The following NRXN3 variants were observed in gnomAD, a reference collection of about 807,000 sequenced individuals.
NRXN3 encodes neurexin 3.
Under a neutral mutation model 137.6 loss-of-function variants are expected in NRXN3, and 32 were observed. The observed-to-expected ratio is 0.23, with a 90% CI of 0.18 to 0.31. The LOEUF is 0.31. Ranked by LOEUF, NRXN3 falls within the 10% of genes least tolerant of loss-of-function variation. The pLI is 1.00. For synonymous variants in NRXN3, 798 were observed against 784.5 expected (o/e 1.02, Z -0.29); for missense variants, 1,574 against 2,062.5 (o/e 0.76, Z 4.59).
At chr14:78,477,275 C>G (rs1272894153) in intron 4 of NRXN3, among the ~76,000 whole-genome samples, 1 of 152,164 alleles carries the variant, frequency 6.6e-6, no homozygotes, top group East Asian at 1.9e-4. Flanking sequence ...CATTCATTCT[C>G]TACATTTCAT....
intron 16 of NRXN3, among the ~76,000 whole-genome samples, chr14:79,470,414 C>T (rs2096484882): frequency 6.6e-6 from 1 of 152,220 alleles, no homozygotes; most frequent in Admixed American, 6.5e-5. Context: ...ACTGCATCCT[C>T]AGGAGGGGAG....
At chr14:78,973,954 A>C (rs28539806) in intron 14 of NRXN3, among the ~76,000 whole-genome samples, 5,627 of 152,310 alleles carry the variant, frequency 0.037, 351 homozygotes, top group African/African-American at 0.13. Context: ...ACAAGCGCCT[A>C]TCTATCCAGA....
At chr14:79,051,138 G>A (rs2099641280) in intron 15 of NRXN3, among the ~76,000 whole-genome samples, 1 of 152,094 alleles carries the variant, frequency 6.6e-6, no homozygotes, top group African/African-American at 2.4e-5. Context: ...GAATGTTGAA[G>A]GTTGGTTCTA....
At position 79,719,164 on chromosome 14, in the gene NRXN3, T is replaced by C. The variant is rs2098833713; in HGVS notation, c.4014+21227T>C. Among the ~76,000 whole-genome samples, 3 of 152,186 alleles carry C rather than the reference T, an allele frequency of 2.0e-5. No homozygotes were observed. In the East Asian group the frequency reaches 5.8e-4, roughly 29 times the overall value. Reference sequence around the variant, plus strand: ...AATCTTATGCTAATTATCTCTTCACTCGGGTCTCTTCCCAAGGTTTGGACA... The same window carrying C: ...AATCTTATGCTAATTATCTCTTCACCCGGGTCTCTTCCCAAGGTTTGGACA... On this transcript the variant is annotated intron_variant, in intron 19 of 20. Coordinates refer to ENST00000335750, the MANE Select transcript of NRXN3 (RefSeq NM_001330195.2).
At chr14:79,236,335 ATG>A (rs1341679908) in intron 15 of NRXN3, among the ~76,000 whole-genome samples, 4 of 152,040 alleles carry the variant, frequency 2.6e-5, no homozygotes, top group African/African-American at 7.2e-5. Flanking sequence ...ATGTGTATTT[ATG>A]TGTGTGTATA....
At chr14:78,188,867 T>C (rs1182526520) in intron 1 of NRXN3, among the ~76,000 whole-genome samples, 1 of 152,188 alleles carries the variant, frequency 6.6e-6, no homozygotes, top group East Asian at 1.9e-4. Context: ...ACTTTAGTGC[T>C]CTCAGAATGA....
At chr14:79,320,046 C>G (rs1264438864) in intron 15 of NRXN3, among the ~76,000 whole-genome samples, 1 of 151,994 alleles carries the variant, frequency 6.6e-6, no homozygotes, top group Non-Finnish European at 1.5e-5. Flanking sequence ...TATAAAATTA[C>G]AGCCATACTG....
rs1026826821 is a variant in NRXN3 at position 78,243,411 on chromosome 14, C to T, written c.318C>T (p.Asp106=). The change falls in exon 2 of 21, where the codon GAC becomes GAT. Residue 106 remains aspartate (D), a synonymous_variant. Transcript: ENST00000335750. This position sits in a 1 kb window ranked among gnomAD's most constrained non-coding sequence, Gnocchi z 4.2. ...TGCTGTCCAACAAGCAGGTGAATGA[C>T]AGCAGCTGGCACTTCCTCATGGTGA... ...TAVLSNKQVN[D]SSWHFLMVSR... 2.6e-6 allele frequency: 4 copies of T among 1,567,064 alleles called. No homozygotes were observed. Among genetic ancestry groups the T allele is most frequent in the Non-Finnish European group, 3.4e-6 (4 of 1,163,924 alleles).
chr14:79,309,203 T>C (rs1202665704), intron 15 of NRXN3, among the ~76,000 whole-genome samples: 7 of 39,688 alleles, frequency 1.8e-4, no homozygotes, highest in Middle Eastern at 6.6e-3. Flanking sequence ...GTTCTTGCGA[T>C]AGTTTACTGA....
At chr14:78,760,592 T>C (rs2098689147) in intron 8 of NRXN3, among the ~76,000 whole-genome samples, 1 of 151,162 alleles carries the variant, frequency 6.6e-6, no homozygotes, top group Non-Finnish European at 1.5e-5. Flanking sequence ...GAACATACAT[T>C]TGGCAAGGCG....
At chr14:78,394,819 C>T (rs1306957955) in intron 4 of NRXN3, among the ~76,000 whole-genome samples, 1 of 151,624 alleles carries the variant, frequency 6.6e-6, no homozygotes, top group Non-Finnish European at 1.5e-5. Flanking sequence ...AGGAATTGGT[C>T]CATTTCACTT....
intron 6 of NRXN3, among the ~76,000 whole-genome samples, chr14:78,689,908 T>G (rs1279600167): frequency 6.6e-6 from 1 of 151,410 alleles, no homozygotes; most frequent in Non-Finnish European, 1.5e-5. Context: ...CTGTCCATCC[T>G]TCTCTCCCTC....
chr14:78,834,640 G>A (rs1029233351), intron 10 of NRXN3, among the ~76,000 whole-genome samples: 2 of 152,146 alleles, frequency 1.3e-5, no homozygotes, highest in African/African-American at 4.8e-5. Context: ...TGAGAACAAA[G>A]CTTCGTTTTT....
At chr14:79,592,338 A>G (rs952707665) in intron 16 of NRXN3, among the ~76,000 whole-genome samples, 10 of 152,210 alleles carry the variant, frequency 6.6e-5, no homozygotes, top group African/African-American at 2.4e-4. Flanking sequence ...TGAATGATGA[A>G]GACGAATAAT....
chr14:79,233,268 A>G (rs1267861489), intron 15 of NRXN3, among the ~76,000 whole-genome samples: 1 of 152,170 alleles, frequency 6.6e-6, no homozygotes, highest in African/African-American at 2.4e-5. Context: ...CTAGCTCATT[A>G]CTACATTTAC....
intron 10 of NRXN3, among the ~76,000 whole-genome samples, chr14:78,822,390 G>A (rs2153131403): frequency 6.6e-6 from 1 of 152,176 alleles, no homozygotes; most frequent in South Asian, 2.1e-4. Flanking sequence ...TTGTTCATAT[G>A]GAGGCTGGGT....
chr14:78,509,147 A>G (rs1388585975), intron 4 of NRXN3, among the ~76,000 whole-genome samples: 2 of 152,104 alleles, frequency 1.3e-5, no homozygotes, highest in Non-Finnish European at 2.9e-5. Flanking sequence ...TAAAAATACA[A>G]AAATTATTTG....
At chr14:78,339,698 GT>G (rs2081942220) in intron 4 of NRXN3, among the ~76,000 whole-genome samples, 2 of 152,196 alleles carry the variant, frequency 1.3e-5, no homozygotes, top group South Asian at 4.2e-4. Context: ...CTTAAGATGA[GT>G]TCCTTGGATG....
At chr14:78,803,150 T>A (rs1436284311) in intron 8 of NRXN3, among the ~76,000 whole-genome samples, 2 of 152,208 alleles carry the variant, frequency 1.3e-5, no homozygotes, top group African/African-American at 4.8e-5. Flanking sequence ...TTCCTTCCTT[T>A]AAAAGCTCTC....
Sources: allele counts gnomAD v4.1 joint callset (sites outside exome capture counted in the v4.1 genomes callset), GRCh38; gene constraint gnomAD v4.1.1; non-coding constraint Gnocchi (gnomAD v3.1); transcripts MANE v1.5; gene names NCBI Gene and HGNC (gene_info 2026-07-23, HGNC 2026-07-21).